ZC3H7B: variants seen among roughly 807,000 people sequenced by gnomAD.
ZC3H7B encodes the protein zinc finger CCCH-type containing 7B, also known as zinc finger CCCH domain-containing protein 7B.
Under a neutral mutation model 116.0 loss-of-function variants are expected in ZC3H7B, and 35 were observed. The ratio of observed to expected loss-of-function variants is 0.30; its 90% CI spans 0.23 to 0.40. The LOEUF is 0.40. Among genes scored for constraint, ZC3H7B ranks in the 10% least tolerant of loss-of-function variants. ZC3H7B has a pLI of 1.00. For synonymous variants in ZC3H7B, 502 were observed against 545.6 expected (o/e 0.92, Z 1.11); for missense variants, 1,011 against 1,321.5 (o/e 0.77, Z 3.64).
chr22:41,332,400 G>A (rs1409723389), intron 7 of ZC3H7B, 173 bp downstream of exon 7: 4 of 765,836 alleles, frequency 5.2e-6, no homozygotes, highest in Non-Finnish European at 8.5e-6. Flanking sequence ...GGCTGCTGTT[G>A]GCAGGGAGTG....
chr22:41,329,884 C>T (rs1315134830), intron 5 of ZC3H7B, 139 bp from the exon 6 acceptor site: 3 of 679,606 alleles, frequency 4.4e-6, no homozygotes, highest in Non-Finnish European at 6.8e-6. Context: ...AAGCCAGGGA[C>T]ACCTCCTGGG....
At chr22:41,344,282 A>G (rs2036558912) in intron 13 of ZC3H7B, among the ~76,000 whole-genome samples, 1 of 152,078 alleles carries the variant, frequency 6.6e-6, no homozygotes, top group Non-Finnish European at 1.5e-5. Flanking sequence ...TGGCCCGCCC[A>G]GGCCTCCTGA....
At chr22:41,356,248 T>C (rs1601799295) in intron 20 of ZC3H7B, 95 bp from the exon 21 acceptor site, 1 of 1,574,492 alleles carries the variant, frequency 6.4e-7, no homozygotes, top group Admixed American at 1.8e-5. Context: ...CAGCAGGACT[T>C]GGGACGCCCA....
rs1355188519 is a variant in ZC3H7B, at chr22:41,301,531, G to GTGCCTCCAGCGGGTGC, written c.-243_-228dup. On this transcript the variant is annotated 5_prime_UTR_variant, in exon 1 of 23. Transcript: ENST00000352645. ...GAGGAGGAAGAGCTGCAGGGAGACA[G>GTGCCTCCAGCGGGTGC]TGCCTCCAGCGGGTGCTGCCGCGAG... is the stretch of plus-strand genomic sequence containing the variant. The GTGCCTCCAGCGGGTGC allele has an allele frequency of 3.3e-5, 5 of 152,170 alleles. No individual in the cohort carries two copies. The highest frequency in any genetic ancestry group is 7.3e-5 in the Non-Finnish European group (5 of 68,054). The allele number at this position is 152,170 out of a possible 1,614,324, so 9.4% of individuals were successfully genotyped here.
chr22:41,303,650 G>T (rs1055690752), intron 1 of ZC3H7B, among the ~76,000 whole-genome samples: 1 of 151,892 alleles, frequency 6.6e-6, no homozygotes. Context: ...TTGCTGGAAA[G>T]TCAGACAGCA....
intron 11 of ZC3H7B, 143 bp from the exon 12 acceptor site, chr22:41,342,386 A>G: frequency 1.5e-6 from 1 of 665,294 alleles, no homozygotes; most frequent in Non-Finnish European, 2.6e-6. Flanking sequence ...GGGTGGAGGA[A>G]GAGGAAGGGT....
chr22:41,336,386 G>A (rs534445409), intron 7 of ZC3H7B: 38 of 152,214 alleles, frequency 2.5e-4, no homozygotes, highest in African/African-American at 9.2e-4. Context: ...AAAATTAGCT[G>A]GGCGCGGTGG....
At chr22:41,345,004 G>C (rs1337783059) in intron 13 of ZC3H7B, among the ~76,000 whole-genome samples, 1 of 152,062 alleles carries the variant, frequency 6.6e-6, no homozygotes, top group Non-Finnish European at 1.5e-5. Flanking sequence ...TGTAGAGATA[G>C]GGTTCTTAAT....
chr22:41,357,811 G>A lies in ZC3H7B; in HGVS notation c.*382G>A. 3.6e-6 allele frequency: 1 copy of A among 279,070 alleles called. No homozygotes were observed. The highest frequency in any genetic ancestry group is 5.1e-5 in the South Asian group (1 of 19,760). The allele number at this position is 279,070 out of a possible 1,614,324, so 17.3% of individuals were successfully genotyped here. On this transcript the variant is annotated 3_prime_UTR_variant, in exon 23 of 23. Transcript: ENST00000352645. This position sits in a 1 kb window ranked among gnomAD's most constrained non-coding sequence, Gnocchi z 5.4. Reference sequence around the variant, plus strand: ...CCCCACTTGAATCTCCAGCAGGAGGGTCCTTCTCTCCCTGGCCCGTCCTCC... The same window carrying A: ...CCCCACTTGAATCTCCAGCAGGAGGATCCTTCTCTCCCTGGCCCGTCCTCC...
chr22:41,333,478 T>G (rs928678788), intron 7 of ZC3H7B: 1 of 151,936 alleles, frequency 6.6e-6, no homozygotes, highest in Non-Finnish European at 1.5e-5. Context: ...ATACAAAAAT[T>G]AGCCGGGCAT....
intron 4 of ZC3H7B, among the ~76,000 whole-genome samples, chr22:41,326,266 T>TCTTCCATAGCCTCAGCCTCCTCACTGTTC: frequency 6.6e-6 from 1 of 152,168 alleles, no homozygotes; most frequent in South Asian, 2.1e-4. Flanking sequence ...CCCCACTGTT[T>TCTTCCATAGCCTCAGCCTCCTCACTGTTC]CTTCCATAGC....
At chr22:41,333,609 G>C (rs1307271987) in intron 7 of ZC3H7B, 1 of 152,150 alleles carries the variant, frequency 6.6e-6, no homozygotes, top group East Asian at 1.9e-4. Flanking sequence ...CTGAGAGACA[G>C]AATGAGACTC....
At position 41,312,439 on chromosome 22, in the gene ZC3H7B, G is replaced by GATAATA. The variant is rs1162596631; in HGVS notation, c.-6-8194_-6-8189dup. 9.1e-4 allele frequency among the ~76,000 whole-genome samples: 11 copies of GATAATA among 12,104 alleles called. 1 individual carries two copies. In the South Asian group the frequency reaches 9.6e-3, roughly 11 times the overall value. The allele number at this position is 12,104 out of a possible 152,430, so 7.9% of individuals were successfully genotyped here. ...CAACAGAGTGAGACCCTGTCTTAAT[G>GATAATA]ATAATAATAATAATAATAATAATAA... On this transcript the variant is annotated intron_variant, in intron 1 of 22. Transcript: ENST00000352645.
intron 1 of ZC3H7B, among the ~76,000 whole-genome samples, chr22:41,304,583 G>A (rs1859315200): frequency 1.3e-5 from 2 of 152,194 alleles, no homozygotes; most frequent in African/African-American, 4.8e-5. Flanking sequence ...CAGTGCAGTG[G>A]GAGTGGAGAG....
intron 1 of ZC3H7B, among the ~76,000 whole-genome samples, chr22:41,315,501 A>G (rs1199717530): frequency 6.6e-6 from 1 of 152,100 alleles, no homozygotes; most frequent in Non-Finnish European, 1.5e-5. Context: ...TTTAACTGAG[A>G]ATAAATGACC....
rs2035992441 is a variant in ZC3H7B, at chr22:41,302,980, T to C, written c.-7+1208T>C. Among the ~76,000 whole-genome samples the C allele has an allele frequency of 6.6e-6, 1 of 152,212 alleles. No homozygotes were observed. The highest frequency in any genetic ancestry group is 6.5e-5 in the Admixed American group (1 of 15,274). ...CATCTGCAGTTCAGCCTGATGAAAA[T>C]AGCAGAATGCAGATCCTTGAATTTT... On this transcript the variant is annotated intron_variant, in intron 1 of 22. Transcript: ENST00000352645. The surrounding 1 kb of genome is among the most constrained non-coding windows in gnomAD (Gnocchi z 5.7).
In ZC3H7B at chr22:41,309,008, C is replaced by CTTTTTTTTTTTTTT. The variant is rs57147100; in HGVS notation, c.-7+7244_-7+7257dup. 7.0e-4 allele frequency among the ~76,000 whole-genome samples: 72 copies of CTTTTTTTTTTTTTT among 103,280 alleles called. 4 individuals carry two copies. Among genetic ancestry groups the CTTTTTTTTTTTTTT allele is most frequent in the African/African-American group, 9.8e-4 (29 of 29,686 alleles). 67.8% of individuals were successfully genotyped at this position (103,280 alleles called of 152,430 possible). A position where few individuals can be genotyped will look rare whatever the true frequency, so the allele number is the denominator to read the frequency against. On this transcript the variant is annotated intron_variant, in intron 1 of 22. Coordinates refer to ENST00000352645, the MANE Select transcript of ZC3H7B (RefSeq NM_017590.6). ...GGGCCTTCCCTAAACTCCCAGTCTGCTTTTTTTTTTTTTTTTTTTTTGAGA... is the reference window on the plus strand; with the variant it reads ...GGGCCTTCCCTAAACTCCCAGTCTGCTTTTTTTTTTTTTTTTTTTTTTTTTTTTTTTTTTTGAGA...
chr22:41,311,581 T>C (rs749468998), intron 1 of ZC3H7B, among the ~76,000 whole-genome samples: 9 of 151,928 alleles, frequency 5.9e-5, no homozygotes, highest in Non-Finnish European at 8.8e-5. Flanking sequence ...ATGGAAGTCA[T>C]AGGCAGCCTG....
intron 1 of ZC3H7B, among the ~76,000 whole-genome samples, chr22:41,309,041 T>A (rs1343077380): frequency 1.6e-5 from 2 of 127,074 alleles, no homozygotes; most frequent in African/African-American, 5.3e-5. Context: ...AGACGGAGTT[T>A]CGCTCTGTCG....
Sources: gnomAD v4.1 joint callset for allele counts (sites outside exome capture counted in the v4.1 genomes callset) on GRCh38, gnomAD v4.1.1 for gene constraint, Gnocchi (gnomAD v3.1) non-coding constraint, MANE v1.5 for transcripts, NCBI Gene and HGNC (gene_info 2026-07-23, HGNC 2026-07-21) for gene names.